C8orf34: variants seen among roughly 807,000 people sequenced by gnomAD.
The protein encoded by C8orf34 is uncharacterized protein C8orf34.
Under a neutral mutation model 68.3 loss-of-function variants are expected in C8orf34, and 65 were observed. That is an observed-to-expected ratio of 0.95 (90% CI 0.78 to 1.17). The LOEUF (loss-of-function observed/expected upper bound fraction) is 1.17. C8orf34 is among the 50% of genes most tolerant of loss of function. C8orf34 has a pLI of 0.00. For synonymous variants in C8orf34, 244 were observed against 241.2 expected (o/e 1.01, Z -0.11); for missense variants, 664 against 655.4 (o/e 1.01, Z -0.14).
intron 1 of C8orf34, among the ~76,000 whole-genome samples, chr8:68,348,322 G>A (rs747618675): frequency 3.3e-5 from 5 of 151,732 alleles, no homozygotes; most frequent in South Asian, 2.1e-4. Context: ...ACTGGTCTAC[G>A]TGCCTGTTTT....
Position 68,625,378 on chromosome 8 carries a change from G to A in C8orf34, c.1106-14998G>A, listed in dbSNP as rs534701662. 5.7e-4 allele frequency: 265 copies of A among 464,512 alleles called. 1 individual carries two copies. The highest frequency in any genetic ancestry group is 5.0e-3 in the African/African-American group (251 of 50,142). The allele number at this position is 464,512 out of a possible 1,614,324, so 28.8% of individuals were successfully genotyped here. On this transcript the variant is annotated intron_variant, in intron 7 of 13. Coordinates refer to ENST00000518698, the MANE Select transcript of C8orf34 (RefSeq NM_052958.4). ...AGGAAATTCAAAATATGTATCTAAT[G>A]TGGGAAGTGAGATGAGGTTGTGAGG...
chr8:68,394,728 C>G (rs1586046573), intron 1 of C8orf34, among the ~76,000 whole-genome samples: 1 of 151,670 alleles, frequency 6.6e-6, no homozygotes, highest in Non-Finnish European at 1.5e-5. Flanking sequence ...AAGCTAGTTC[C>G]GTAATTTAGT....
At chr8:68,583,675 A>G (rs1299335086) in intron 7 of C8orf34, among the ~76,000 whole-genome samples, 1 of 152,190 alleles carries the variant, frequency 6.6e-6, no homozygotes, top group Non-Finnish European at 1.5e-5. Flanking sequence ...ATCTACACTC[A>G]TGTCATCAAC....
chr8:68,484,456 G>A (rs1812991762), intron 4 of C8orf34, among the ~76,000 whole-genome samples: 1 of 151,954 alleles, frequency 6.6e-6, no homozygotes, highest in South Asian at 2.1e-4. Flanking sequence ...TGCTCATTAA[G>A]AGTCCTACCC....
At chr8:68,797,240 C>G (rs987287420) in intron 12 of C8orf34, among the ~76,000 whole-genome samples, 3 of 152,200 alleles carry the variant, frequency 2.0e-5, no homozygotes, top group African/African-American at 4.8e-5. Flanking sequence ...AGAGGCTAAT[C>G]TAATCTAATC....
chr8:68,774,350 A>ATATATATATATATATATATATATAT (rs1563661802), intron 10 of C8orf34, among the ~76,000 whole-genome samples: 3 of 109,462 alleles, frequency 2.7e-5, no homozygotes, highest in African/African-American at 1.7e-4. Flanking sequence ...TATATATATA[A>ATATATATATATATATATATATATAT]AATAAACAAA....
At chr8:68,342,762 T>C (rs75968670) in intron 1 of C8orf34, among the ~76,000 whole-genome samples, 1 of 152,114 alleles carries the variant, frequency 6.6e-6, no homozygotes, top group Non-Finnish European at 1.5e-5. Flanking sequence ...TTGTGGTATC[T>C]CAGTGCTTGA....
intron 7 of C8orf34, among the ~76,000 whole-genome samples, chr8:68,538,748 A>G (rs186246659): frequency 1.3e-5 from 2 of 152,310 alleles, no homozygotes; most frequent in African/African-American, 4.8e-5. Context: ...TACCAACACA[A>G]AGCACTAAAT....
intron 7 of C8orf34, among the ~76,000 whole-genome samples, chr8:68,548,955 G>A (rs1003692728): frequency 2.6e-5 from 4 of 151,782 alleles, no homozygotes; most frequent in Admixed American, 2.0e-4. Context: ...ATTGTATTTG[G>A]AGACAGGGCT....
chr8:68,749,730 AAAT>A (rs1272685841), intron 10 of C8orf34, among the ~76,000 whole-genome samples: 1 of 152,212 alleles, frequency 6.6e-6, no homozygotes, highest in Admixed American at 6.5e-5. Flanking sequence ...TCTTTCACTT[AAAT>A]AATGTTTTTG....
chr8:68,709,136 G>A, intron 9 of C8orf34, 57 bp downstream of exon 9: 1 of 1,339,336 alleles, frequency 7.5e-7, no homozygotes, highest in Non-Finnish European at 1.1e-6. Context: ...AAAGATTAAA[G>A]AAGTAAAGGA....
intron 1 of C8orf34, among the ~76,000 whole-genome samples, chr8:68,409,916 C>T (rs1262798452): frequency 1.3e-5 from 2 of 152,080 alleles, no homozygotes; most frequent in African/African-American, 2.4e-5. Context: ...GTAATAATTG[C>T]CTGAAGTATT....
intron 8 of C8orf34, among the ~76,000 whole-genome samples, chr8:68,680,785 C>T (rs573302940): frequency 4.0e-4 from 61 of 152,210 alleles, no homozygotes; most frequent in African/African-American, 1.3e-3. Context: ...AAACAGGGTT[C>T]GAGAGCAGAG....
Position 68,443,418 on chromosome 8 carries a change from T to A in C8orf34, c.476-2911T>A, listed in dbSNP as rs535161122. ...CTTTTCTTTGTTTTTGTTTTTGAGA[T>A]GGAGTCTCGCTCTGTCACCAGGCTG... On this transcript the variant is annotated intron_variant, in intron 2 of 13. Coordinates refer to ENST00000518698, the MANE Select transcript of C8orf34 (RefSeq NM_052958.4). Among the ~76,000 whole-genome samples the A allele has an allele frequency of 4.6e-5, 7 of 152,230 alleles. No homozygotes were observed. In the South Asian group the frequency reaches 1.2e-3, roughly 27 times the overall value.
chr8:68,397,402 C>T (rs1311200922), intron 1 of C8orf34, among the ~76,000 whole-genome samples: 1 of 152,090 alleles, frequency 6.6e-6, no homozygotes, highest in East Asian at 1.9e-4. Context: ...CCAACTTCCA[C>T]TTTAGTGAAC....
chr8:68,460,071 C>T (rs879357554), intron 3 of C8orf34, among the ~76,000 whole-genome samples: 1 of 152,146 alleles, frequency 6.6e-6, no homozygotes, highest in East Asian at 1.9e-4. Context: ...CCTGGAAAAT[C>T]GGGTCACTCC....
intron 8 of C8orf34, among the ~76,000 whole-genome samples, chr8:68,691,276 T>G (rs1036004530): frequency 3.3e-5 from 5 of 152,192 alleles, no homozygotes; most frequent in Middle Eastern, 3.4e-3. Context: ...TGTGCTCACT[T>G]CATGTCTCTG....
At chr8:68,371,127 A>G (rs537932752) in intron 1 of C8orf34, among the ~76,000 whole-genome samples, 6 of 152,264 alleles carry the variant, frequency 3.9e-5, no homozygotes, top group Admixed American at 2.0e-4. Flanking sequence ...GAGAAGCCCA[A>G]AGAAGCTTGG....
At chr8:68,540,067 G>A (rs1179472118) in intron 7 of C8orf34, among the ~76,000 whole-genome samples, 2 of 151,856 alleles carry the variant, frequency 1.3e-5, no homozygotes, top group Non-Finnish European at 2.9e-5. Flanking sequence ...AAAATCTTAT[G>A]ATTTTTCTTT....
Sources: gnomAD v4.1 joint callset for allele counts (sites outside exome capture counted in the v4.1 genomes callset) on GRCh38, gnomAD v4.1.1 for gene constraint, MANE v1.5 for transcripts, NCBI Gene and HGNC (gene_info 2026-07-23, HGNC 2026-07-21) for gene names.